Variants in CNTN6 observed in about 807,000 individuals in gnomAD.
CNTN6 encodes contactin 6.
Under a neutral mutation model 122.8 loss-of-function variants are expected in CNTN6, and 137 were observed. That is an observed-to-expected ratio of 1.12 (90% CI 0.97 to 1.29). The LOEUF (loss-of-function observed/expected upper bound fraction) is 1.29, where lower values mean the gene tolerates loss of function less well. Among genes scored for constraint, CNTN6 ranks in the 50% most tolerant of loss-of-function variants. CNTN6 has a pLI of 0.00. For missense variants in CNTN6, 1,634 were observed against 1,223.4 expected (o/e 1.34, Z -5.01); for synonymous variants, 570 against 426.0 (o/e 1.34, Z -4.16).
At chr3:1,302,906 A>T (rs1697669548) in intron 7 of CNTN6, among the ~76,000 whole-genome samples, 1 of 151,534 alleles carries the variant, frequency 6.6e-6, no homozygotes, top group African/African-American at 2.4e-5. Flanking sequence ...TGCCATTTGT[A>T]ATCTCCCTTC....
intron 4 of CNTN6, among the ~76,000 whole-genome samples, chr3:1,229,211 C>G (rs1447483388): frequency 1.3e-5 from 2 of 152,158 alleles, no homozygotes; most frequent in Non-Finnish European, 1.5e-5. Context: ...ATTTATAACA[C>G]TTGATTTCTT....
chr3:1,210,407 A>C (rs2094018719), intron 2 of CNTN6, among the ~76,000 whole-genome samples: 2 of 151,262 alleles, frequency 1.3e-5, no homozygotes, highest in South Asian at 4.2e-4. Context: ...AGGGAAGGAA[A>C]GGGAAGGAAA....
chr3:1,174,905 A>G (rs2125312401), intron 2 of CNTN6, among the ~76,000 whole-genome samples: 2 of 152,304 alleles, frequency 1.3e-5, no homozygotes, highest in Middle Eastern at 6.8e-3. Flanking sequence ...GTGCACACAC[A>G]GACACACTCC....
intron 7 of CNTN6, among the ~76,000 whole-genome samples, chr3:1,315,390 G>C (rs573509256): frequency 6.6e-6 from 1 of 152,068 alleles, no homozygotes; most frequent in Non-Finnish European, 1.5e-5. Context: ...AAAGGAATTA[G>C]AAGGTAGATC....
rs201682130 is a variant in CNTN6, at chr3:1,162,411, A to C, written c.55+14348A>C. Among the ~76,000 whole-genome samples the C allele has an allele frequency of 1.1e-3, 162 of 150,432 alleles. 1 individual carries two copies. The highest frequency in any genetic ancestry group is 3.7e-3 in the African/African-American group (149 of 40,652). ...CAGCTCAGAAGGGAGGGGAAAAAAA[A>C]CCCCTTCTTCTTCGTAAAAGTCTTA... is the stretch of plus-strand genomic sequence containing the variant. On this transcript the variant is annotated intron_variant, in intron 2 of 22. Transcript: ENST00000446702.
intron 7 of CNTN6, among the ~76,000 whole-genome samples, chr3:1,309,642 A>G (rs115087675): frequency 0.011 from 1,605 of 152,238 alleles, 35 homozygotes; most frequent in African/African-American, 0.036. Context: ...ATACAAACTT[A>G]GAATCATTTT....
At chr3:1,342,995 C>G (rs1359331229) in intron 11 of CNTN6, among the ~76,000 whole-genome samples, 1 of 152,068 alleles carries the variant, frequency 6.6e-6, no homozygotes, top group South Asian at 2.1e-4. Flanking sequence ...TTTGCCACTC[C>G]TAAGAGAGTG....
At chr3:1,319,485 C>T (rs1700549041) in intron 7 of CNTN6, among the ~76,000 whole-genome samples, 1 of 151,466 alleles carries the variant, frequency 6.6e-6, no homozygotes. Context: ...TTACAATTAT[C>T]ATAATTGTCA....
chr3:1,372,622 T>C, intron 13 of CNTN6, 148 bp downstream of exon 13: 1 of 780,862 alleles, frequency 1.3e-6, no homozygotes, highest in Non-Finnish European at 2.0e-6. Context: ...TTTTGGTTTA[T>C]TTTGTTTCGT....
At chr3:1,203,817 G>A (rs2093919314) in intron 2 of CNTN6, among the ~76,000 whole-genome samples, 1 of 152,130 alleles carries the variant, frequency 6.6e-6, no homozygotes, top group Admixed American at 6.6e-5. Flanking sequence ...TTTGGTCAAT[G>A]ACCGACTCCC....
At chr3:1,315,468 T>C (rs1699962764) in intron 7 of CNTN6, among the ~76,000 whole-genome samples, 1 of 151,948 alleles carries the variant, frequency 6.6e-6, no homozygotes, top group Admixed American at 6.6e-5. Flanking sequence ...TAGTTGAAAT[T>C]ACCCATCTAA....
intron 2 of CNTN6, among the ~76,000 whole-genome samples, chr3:1,185,431 G>A (rs988310427): frequency 2.0e-5 from 3 of 152,102 alleles, no homozygotes; most frequent in Non-Finnish European, 4.4e-5. Context: ...ACTCTAAAAA[G>A]GTATTAAGAA....
Position 1,395,065 on chromosome 3 carries a change from T to A in CNTN6, c.2705-6368T>A, listed in dbSNP as rs192136014. 1.9e-3 allele frequency among the ~76,000 whole-genome samples: 284 copies of A among 152,294 alleles called. 4 individuals are homozygous for A. Among genetic ancestry groups the A allele is most frequent in the South Asian group, 0.016 (75 of 4,822 alleles). On this transcript the variant is annotated intron_variant, in intron 20 of 22. Transcript: ENST00000446702. Reference sequence around the variant, plus strand: ...TATCTAGTTTCAATAGCTCTTAAATTTGACTCTTACCAGCCTGTATGCTTC... The same window carrying A: ...TATCTAGTTTCAATAGCTCTTAAATATGACTCTTACCAGCCTGTATGCTTC...
At chr3:1,189,957 GTAT>G (rs762627293) in intron 2 of CNTN6, among the ~76,000 whole-genome samples, 2 of 152,190 alleles carry the variant, frequency 1.3e-5, no homozygotes, top group African/African-American at 2.4e-5. Flanking sequence ...GACTCTGGTT[GTAT>G]TAGTCAGCTC....
intron 1 of CNTN6, among the ~76,000 whole-genome samples, chr3:1,146,819 G>T (rs1014237930): frequency 6.6e-6 from 1 of 151,988 alleles, no homozygotes; most frequent in Non-Finnish European, 1.5e-5. Context: ...TTTATGTAAG[G>T]CATTAAAGGC....
chr3:1,397,282 G>A (rs915730819), intron 20 of CNTN6, among the ~76,000 whole-genome samples: 8 of 152,126 alleles, frequency 5.3e-5, no homozygotes, highest in Non-Finnish European at 8.8e-5. Flanking sequence ...GAAAATAAAT[G>A]AGAAACTAAG....
intron 1 of CNTN6, among the ~76,000 whole-genome samples, chr3:1,120,497 A>G (rs955029078): frequency 2.6e-5 from 4 of 151,900 alleles, no homozygotes; most frequent in Non-Finnish European, 4.4e-5. Context: ...TACTTTGTAA[A>G]GTGTTTATGA....
At chr3:1,268,489 C>A (rs2094963239) in intron 4 of CNTN6, among the ~76,000 whole-genome samples, 1 of 150,970 alleles carries the variant, frequency 6.6e-6, no homozygotes, top group Non-Finnish European at 1.5e-5. Context: ...TGCCTGTAGT[C>A]CCAGCTACTT....
intron 4 of CNTN6, among the ~76,000 whole-genome samples, chr3:1,256,811 T>C (rs535992115): frequency 2.8e-4 from 42 of 152,318 alleles, no homozygotes; most frequent in Admixed American, 4.6e-4. Flanking sequence ...TATTGGACTT[T>C]GTTAGGCTTC....
Sources: allele counts gnomAD v4.1 joint callset (sites outside exome capture counted in the v4.1 genomes callset), GRCh38; gene constraint gnomAD v4.1.1; transcripts MANE v1.5; gene names NCBI Gene and HGNC (gene_info 2026-07-23, HGNC 2026-07-21).